Variants in MRPS28 observed in about 807,000 individuals in gnomAD.
MRPS28 encodes mitochondrial ribosomal protein S28, also known as small ribosomal subunit protein bS1m.
Under a neutral mutation model 10.8 loss-of-function variants are expected in MRPS28, and 7 were observed. The ratio of observed to expected loss-of-function variants is 0.65; its 90% CI spans 0.37 to 1.22. MRPS28 has a LOEUF of 1.22. MRPS28 is among the 50% of genes most tolerant of loss of function. The pLI is 0.02. For synonymous variants in MRPS28, 121 were observed against 93.3 expected (o/e 1.30, Z -1.71); for missense variants, 265 against 232.9 (o/e 1.14, Z -0.90).
intron 1 of MRPS28, among the ~76,000 whole-genome samples, chr8:80,006,825 T>C (rs933249176): frequency 5.3e-5 from 8 of 152,146 alleles, no homozygotes; most frequent in Admixed American, 6.5e-5. Context: ...GATTCACAGC[T>C]GAATTCTACC....
At chr8:79,923,498 TA>T (rs1810147818) in intron 2 of MRPS28, among the ~76,000 whole-genome samples, 1 of 152,202 alleles carries the variant, frequency 6.6e-6, no homozygotes, top group African/African-American at 2.4e-5. Context: ...AAATTATCAT[TA>T]AAAACAATAT....
rs150015248 is a variant in MRPS28 at position 80,030,226 on chromosome 8, C to T, written c.23G>A (p.Arg8His). Residue 8 changes from arginine (R) to histidine (H), a missense_variant, in exon 1 of 3, where the codon CGT becomes CAT. Arg to His is a conservative substitution (Grantham distance 29). Transcript: ENST00000276585. ...AAAATGGCTCTCGGCAGCCACAGCA[C>T]GGGTCCGACACAGCGCCGCCATGAC... MAALCRT[R>H]AVAAESHFLR... The T allele has an allele frequency of 1.9e-6, 3 of 1,614,086 alleles. No homozygotes were observed. Among genetic ancestry groups the T allele is most frequent in the East Asian group, 2.2e-5 (1 of 44,874 alleles).
At chr8:80,003,344 C>T (rs768817605) in intron 1 of MRPS28, among the ~76,000 whole-genome samples, 164 bp from the exon 2 acceptor site, 2 of 152,300 alleles carry the variant, frequency 1.3e-5, no homozygotes, top group Admixed American at 6.5e-5. Flanking sequence ...CTCTTCCATC[C>T]TTTCCTTCCT....
rs147769821 is a variant in MRPS28 at position 80,009,485 on chromosome 8, G to A, written c.214-6305C>T. 4.4e-3 allele frequency among the ~76,000 whole-genome samples: 672 copies of A among 152,052 alleles called. 1 individual carries two copies. Among genetic ancestry groups the A allele is most frequent in the African/African-American group, 0.015 (625 of 41,500 alleles). On this transcript the variant is annotated intron_variant, in intron 1 of 2. Transcript: ENST00000276585. The stretch of plus-strand genomic sequence containing the variant: ...TACAAAATTAGCCAGGCATCATGGT[G>A]CATGCCTATAATCCCAGCTACTCAT...
intron 2 of MRPS28, among the ~76,000 whole-genome samples, chr8:79,972,197 T>C (rs1201451557): frequency 2.0e-5 from 3 of 152,226 alleles, no homozygotes; most frequent in Admixed American, 6.5e-5. Flanking sequence ...ATTTATCTTA[T>C]ATTAGGTATT....
At chr8:80,002,638 G>T (rs1307921269) in intron 2 of MRPS28, among the ~76,000 whole-genome samples, 1 of 152,146 alleles carries the variant, frequency 6.6e-6, no homozygotes, top group Non-Finnish European at 1.5e-5. Flanking sequence ...GAAAAGAAAG[G>T]AGAAGTGGAA....
intron 1 of MRPS28, among the ~76,000 whole-genome samples, chr8:80,026,129 C>T (rs1314446900): frequency 6.6e-6 from 1 of 151,966 alleles, no homozygotes; most frequent in Non-Finnish European, 1.5e-5. Context: ...TTTCAAAAAC[C>T]CTGAATACAC....
Position 80,030,221 on chromosome 8 carries a change from C to G in MRPS28, c.28G>C (p.Val10Leu), listed in dbSNP as rs763872537. Residue 10 changes from valine to leucine, a missense_variant, in exon 1 of 3, where the codon GTG becomes CTG. Physicochemically the swap from Val to Leu is conservative, Grantham distance 32 (BLOSUM62 1). Transcript: ENST00000276585. Reference protein sequence around the residue: MAALCRTRAVAAESHFLRVF... With the variant: MAALCRTRALAAESHFLRVF... ...CGCAGAAAATGGCTCTCGGCAGCCA[C>G]AGCACGGGTCCGACACAGCGCCGCC... 1 of 1,614,134 alleles carries G rather than the reference C, an allele frequency of 6.2e-7. No individual in the cohort carries two copies. The highest frequency in any genetic ancestry group is 8.5e-7 in the Non-Finnish European group (1 of 1,180,042).
At chr8:79,973,268 AAGAG>A (rs745394028) in intron 2 of MRPS28, among the ~76,000 whole-genome samples, 19 of 151,460 alleles carry the variant, frequency 1.3e-4, no homozygotes, top group East Asian at 3.9e-4. Flanking sequence ...AACACAGTGA[AAGAG>A]AGAGAGAGAG....
intron 1 of MRPS28, among the ~76,000 whole-genome samples, chr8:80,010,833 A>G (rs1586095245): frequency 6.6e-6 from 1 of 152,262 alleles, no homozygotes; most frequent in East Asian, 1.9e-4. Flanking sequence ...TGAAACACAC[A>G]GGGAAAAAAT....
chr8:79,967,356 A>G (rs948820935), intron 2 of MRPS28, among the ~76,000 whole-genome samples: 11 of 152,122 alleles, frequency 7.2e-5, no homozygotes, highest in Non-Finnish European at 1.5e-4. Flanking sequence ...TGAAATTTAC[A>G]AGTTAAAGCC....
At chr8:79,986,009 T>C (rs1295433666) in intron 2 of MRPS28, among the ~76,000 whole-genome samples, 3 of 152,214 alleles carry the variant, frequency 2.0e-5, no homozygotes, top group Non-Finnish European at 4.4e-5. Context: ...TTGATGAACA[T>C]TGATGCAAAA....
rs781307304 is a variant in MRPS28, at chr8:80,030,022, C to A, written c.213+14G>T. The A allele has an allele frequency of 1.2e-6, 2 of 1,603,952 alleles. No individual in the cohort carries two copies. The highest frequency in any genetic ancestry group is 1.4e-5 in the African/African-American group (1 of 71,736). ...GTAATTCCCGCGACTCCCTCTCACC[C>A]GCCCGGGCTCCACCTTCTGTAGGGG... On this transcript the variant is annotated intron_variant, in intron 1 of 2. Coordinates refer to ENST00000276585, the MANE Select transcript of MRPS28 (RefSeq NM_014018.3).
chr8:79,984,257 AAG>A (rs1427025364), intron 2 of MRPS28, among the ~76,000 whole-genome samples: 1 of 152,218 alleles, frequency 6.6e-6, no homozygotes, highest in African/African-American at 2.4e-5. Flanking sequence ...CCTGCCCTAA[AAG>A]AGCTCCTGAA....
intron 1 of MRPS28, among the ~76,000 whole-genome samples, chr8:80,020,591 T>C (rs1459979979): frequency 2.0e-5 from 3 of 152,176 alleles, no homozygotes; most frequent in Non-Finnish European, 4.4e-5. Context: ...AGAACAGTAG[T>C]CTGAAATGGT....
At chr8:79,920,287 A>C (rs1205195422) in intron 2 of MRPS28, among the ~76,000 whole-genome samples, 1 of 152,110 alleles carries the variant, frequency 6.6e-6, no homozygotes, top group Non-Finnish European at 1.5e-5. Context: ...ATGTTTTATA[A>C]TCCTTTGGGT....
chr8:79,957,560 A>AG (rs962196327), intron 2 of MRPS28, among the ~76,000 whole-genome samples: 16 of 151,802 alleles, frequency 1.1e-4, no homozygotes, highest in Non-Finnish European at 2.2e-4. Flanking sequence ...AAAAAAAAAA[A>AG]AAAAAAACTT....
At chr8:79,974,940 C>T (rs78159721) in intron 2 of MRPS28, among the ~76,000 whole-genome samples, 5,378 of 152,074 alleles carry the variant, frequency 0.035, 251 homozygotes, top group African/African-American at 0.1. Flanking sequence ...ATTATTATTA[C>T]GGAGGGCAGT....
chr8:79,923,234 C>T (rs1312601335), intron 2 of MRPS28, among the ~76,000 whole-genome samples: 1 of 152,082 alleles, frequency 6.6e-6, no homozygotes, highest in East Asian at 1.9e-4. Flanking sequence ...TTATGGTACA[C>T]GGAAGTAAAG....
Sources: allele counts gnomAD v4.1 joint callset (sites outside exome capture counted in the v4.1 genomes callset), GRCh38; gene constraint gnomAD v4.1.1; transcripts MANE v1.5; gene names NCBI Gene and HGNC (gene_info 2026-07-23, HGNC 2026-07-21).